CACNB4: variants seen among roughly 807,000 people sequenced by gnomAD.
CACNB4 encodes the protein voltage-dependent L-type calcium channel subunit beta-4.
CACNB4 carries 32 observed loss-of-function variants against 71.2 expected under a neutral mutation model. That is an observed-to-expected ratio of 0.45 (90% CI 0.34 to 0.60). The LOEUF (loss-of-function observed/expected upper bound fraction) is 0.60, where lower values mean the gene tolerates loss of function less well. Ranked by LOEUF, CACNB4 falls within the 20% of genes least tolerant of loss-of-function variation. The pLI is 0.01. For missense variants in CACNB4, 464 were observed against 647.9 expected (o/e 0.72, Z 3.08); for synonymous variants, 231 against 236.9 (o/e 0.97, Z 0.23).
chr2:152,088,716 T>C (rs1220288717), intron 2 of CACNB4, among the ~76,000 whole-genome samples: 1 of 152,254 alleles, frequency 6.6e-6, no homozygotes, highest in Non-Finnish European at 1.5e-5. Flanking sequence ...CTTACCTAAC[T>C]AATGCTTTCA....
At chr2:151,884,634 CAAAAAAAAAAA>C (rs35506114) in intron 2 of CACNB4, among the ~76,000 whole-genome samples, 1 of 61,508 alleles carries the variant, frequency 1.6e-5, no homozygotes, top group Non-Finnish European at 2.9e-5. Flanking sequence ...GACTCCGTCT[CAAAAAAAAAAA>C]AAAAAAAAAA....
intron 2 of CACNB4, among the ~76,000 whole-genome samples, chr2:152,037,999 G>T (rs536033914): frequency 6.6e-6 from 1 of 152,304 alleles, no homozygotes; most frequent in African/African-American, 2.4e-5. Flanking sequence ...GTGACAAAAC[G>T]CAGGGCCCAG....
At chr2:151,963,764 T>A (rs1245225793) in intron 2 of CACNB4, among the ~76,000 whole-genome samples, 1 of 152,154 alleles carries the variant, frequency 6.6e-6, no homozygotes, top group Non-Finnish European at 1.5e-5. Flanking sequence ...GTGTACACAA[T>A]GATTCATGTA....
chr2:151,963,523 G>C (rs1230342634), intron 2 of CACNB4, among the ~76,000 whole-genome samples: 1 of 152,028 alleles, frequency 6.6e-6, no homozygotes, highest in Non-Finnish European at 1.5e-5. Flanking sequence ...TCTTCCTATA[G>C]AATCTGGAGG....
intron 2 of CACNB4, among the ~76,000 whole-genome samples, chr2:152,076,136 CTTTTT>C (rs35400714): frequency 1.4e-5 from 1 of 71,202 alleles, no homozygotes; most frequent in Non-Finnish European, 2.5e-5. Flanking sequence ...CACCTCTTTT[CTTTTT>C]TTTTTTTTTT....
rs184707636 is a variant in CACNB4 at position 151,992,178 on chromosome 2, C to A, written c.147+106152G>T. On this transcript the variant is annotated intron_variant, in intron 2 of 13. Transcript: ENST00000539935. ...GAACCGTGAGGCAGAAGAGAGAAGG[C>A]AAACAGGCTGGATGCATAAGCACTG... Among the ~76,000 whole-genome samples, 315 of 152,292 alleles carry A rather than the reference C, an allele frequency of 2.1e-3. 7 individuals are homozygous for A. Among genetic ancestry groups the A allele is most frequent in the Non-Finnish European group, 2.4e-4 (16 of 68,028 alleles).
At chr2:152,084,152 G>A (rs1436349051) in intron 2 of CACNB4, among the ~76,000 whole-genome samples, 1 of 152,178 alleles carries the variant, frequency 6.6e-6, no homozygotes, top group African/African-American at 2.4e-5. Context: ...GTTCGGGGCA[G>A]AGGCTGAATG....
At chr2:152,043,219 C>G (rs1057101328) in intron 2 of CACNB4, among the ~76,000 whole-genome samples, 3 of 152,230 alleles carry the variant, frequency 2.0e-5, no homozygotes, top group Non-Finnish European at 4.4e-5. Context: ...GGAGCAGACA[C>G]TCTTTTATTC....
intron 2 of CACNB4, among the ~76,000 whole-genome samples, chr2:151,893,578 AT>A (rs1281485951): frequency 6.6e-6 from 1 of 152,114 alleles, no homozygotes; most frequent in Non-Finnish European, 1.5e-5. Context: ...AGATGAAGAG[AT>A]TTAAAGGCAA....
chr2:152,099,000 GGA>G lies in CACNB4; in HGVS notation c.10_11del (p.Ser4LeufsTer57). ...CCGCGGTCCCGTTCTTGGCGTAGGA[GGA>G]GGAGGACATCGTTCAGAGCCGCCGC... The part of the protein sequence containing the change: MSS[S>X]SYAKNGTADG... On this transcript the variant is annotated frameshift_variant, in exon 1 of 14. Transcript: ENST00000539935. LOFTEE classifies it high-confidence loss of function. The surrounding 1 kb of genome is among the most constrained non-coding windows in gnomAD (Gnocchi z 5.3). 6.5e-7 allele frequency: 1 copy of G among 1,535,530 alleles called. No homozygotes were observed. The highest frequency in any genetic ancestry group is 8.7e-7 in the Non-Finnish European group (1 of 1,143,328).
At chr2:152,031,743 C>T (rs1684294889) in intron 2 of CACNB4, among the ~76,000 whole-genome samples, 1 of 152,212 alleles carries the variant, frequency 6.6e-6, no homozygotes, top group Non-Finnish European at 1.5e-5. Context: ...AGCAGGGTCT[C>T]TGCTAGACCC....
rs996768249 is a variant in CACNB4 at position 151,834,443 on chromosome 2, T to A, written c.*4676A>T. On this transcript the variant is annotated 3_prime_UTR_variant, in exon 14 of 14. Coordinates refer to ENST00000539935, the MANE Select transcript of CACNB4 (RefSeq NM_000726.5). Reference sequence around the variant, plus strand: ...TAGGATTATCTGATGAGATACTTTCTAGTCTTCTCATAATGTCCCTCAATT... The same window carrying A: ...TAGGATTATCTGATGAGATACTTTCAAGTCTTCTCATAATGTCCCTCAATT... 1 of 152,038 alleles carries A rather than the reference T, an allele frequency of 6.6e-6. No homozygotes were observed. The highest frequency in any genetic ancestry group is 1.9e-4 in the East Asian group (1 of 5,208). 9.4% of individuals were successfully genotyped at this position (152,038 alleles called of 1,614,324 possible). A position where few individuals can be genotyped will look rare whatever the true frequency, so the allele number is the denominator to read the frequency against.
chr2:151,917,005 G>C (rs764648427), intron 2 of CACNB4, among the ~76,000 whole-genome samples: 1 of 152,068 alleles, frequency 6.6e-6, no homozygotes, highest in Non-Finnish European at 1.5e-5. Flanking sequence ...CTTAATATGC[G>C]GTTTGCTTTT....
At chr2:152,025,224 CTT>C (rs1324316907) in intron 2 of CACNB4, among the ~76,000 whole-genome samples, 1 of 152,196 alleles carries the variant, frequency 6.6e-6, no homozygotes, top group Non-Finnish European at 1.5e-5. Flanking sequence ...TCTGAAACCT[CTT>C]CTTTCATATG....
At chr2:151,965,664 A>G (rs2099870893) in intron 2 of CACNB4, among the ~76,000 whole-genome samples, 4 of 152,162 alleles carry the variant, frequency 2.6e-5, no homozygotes, top group Admixed American at 2.0e-4. Context: ...AAATAATTTA[A>G]AGCAGAATTA....
chr2:152,092,573 CTT>C lies in CACNB4; in HGVS notation c.147+5755_147+5756del, dbSNP rs11355769. ...AACCATATCTTCCATTCCATATGCT[CTT>C]TTTTTTTAATGAAATATTATTATAC... is the stretch of plus-strand genomic sequence containing the variant. On this transcript the variant is annotated intron_variant, in intron 2 of 13. Coordinates refer to ENST00000539935, the MANE Select transcript of CACNB4 (RefSeq NM_000726.5). Among the ~76,000 whole-genome samples the C allele has an allele frequency of 1.6e-4, 24 of 150,790 alleles. 1 individual carries two copies. Among genetic ancestry groups the C allele is most frequent in the African/African-American group, 4.9e-4 (20 of 41,112 alleles).
chr2:152,020,411 A>G (rs1476180206), intron 2 of CACNB4, among the ~76,000 whole-genome samples: 1 of 152,192 alleles, frequency 6.6e-6, no homozygotes, highest in Non-Finnish European at 1.5e-5. Context: ...TTCAGAGAGC[A>G]TTTCAGTATA....
At chr2:151,861,852 A>AAAAAAAAAAAAAAAAAAAAAAAAAAC (rs1559883027) in intron 9 of CACNB4, 3 of 146,548 alleles carry the variant, frequency 2.0e-5, no homozygotes, top group African/African-American at 7.9e-5. Context: ...CAAAAAAAAA[A>AAAAAAAAAAAAAAAAAAAAAAAAAAC]AAAAAACTGA....
At chr2:151,940,410 G>C (rs1219286134) in intron 2 of CACNB4, among the ~76,000 whole-genome samples, 2 of 152,182 alleles carry the variant, frequency 1.3e-5, no homozygotes, top group Non-Finnish European at 2.9e-5. Flanking sequence ...GCAGGAAAGG[G>C]TTAAGTGTTG....
Sources: gnomAD v4.1 joint callset for allele counts (sites outside exome capture counted in the v4.1 genomes callset) on GRCh38, gnomAD v4.1.1 for gene constraint, Gnocchi (gnomAD v3.1) non-coding constraint, MANE v1.5 for transcripts, NCBI Gene and HGNC (gene_info 2026-07-23, HGNC 2026-07-21) for gene names.